The following STRA8 variants were observed in gnomAD, a reference collection of about 807,000 sequenced individuals.
The protein encoded by STRA8 is stimulated by retinoic acid 8, also known as stimulated by retinoic acid gene 8 protein homolog.
Under a neutral mutation model 37.1 loss-of-function variants are expected in STRA8, and 18 were observed. The observed-to-expected ratio is 0.48, with a 90% CI of 0.34 to 0.72. The LOEUF is 0.72. Among genes scored for constraint, STRA8 ranks in the 30% least tolerant of loss-of-function variants. The pLI is 0.01. For synonymous variants in STRA8, 168 were observed against 162.9 expected, an observed-to-expected ratio of 1.03 and a Z score of -0.24; for missense variants, 357 against 410.4, an observed-to-expected ratio of 0.87 and a Z score of 1.13.
upstream of STRA8, chr7:135,232,102 G>T (rs1832301844): frequency 2.1e-6 from 3 of 1,433,406 alleles, no homozygotes; most frequent in South Asian, 2.3e-5. Flanking sequence ...ACATCTGCTT[G>T]TGTGTGTGGC....
intron 6 of STRA8, 25 bp from the exon 7 acceptor site, chr7:135,251,771 C>A (rs1832637229): frequency 6.2e-7 from 1 of 1,612,814 alleles, no homozygotes; most frequent in African/African-American, 1.3e-5. Flanking sequence ...ATTTCCAACA[C>A]ATGAAGTGTT....
intron 2 of STRA8, 115 bp downstream of exon 2, chr7:135,240,831 G>A (rs1832453700): frequency 1.7e-6 from 2 of 1,180,968 alleles, no homozygotes; most frequent in African/African-American, 1.5e-5. Flanking sequence ...CTTCTGCTGG[G>A]GTAGCGACAA....
At chr7:135,241,408 A>C (rs1273168841) in intron 2 of STRA8, among the ~76,000 whole-genome samples, 1 of 151,966 alleles carries the variant, frequency 6.6e-6, no homozygotes, top group East Asian at 1.9e-4. Flanking sequence ...CACCACTAGA[A>C]TCCTTGGAAT....
intron 1 of STRA8, among the ~76,000 whole-genome samples, chr7:135,237,642 C>T (rs1193888579): frequency 2.0e-5 from 3 of 152,150 alleles, no homozygotes; most frequent in Non-Finnish European, 4.4e-5. Flanking sequence ...ACCTGTAAAC[C>T]TTGCACTTTG....
chr7:135,234,549 G>C (rs2117780914), intron 1 of STRA8, among the ~76,000 whole-genome samples: 1 of 152,320 alleles, frequency 6.6e-6, no homozygotes, highest in East Asian at 1.9e-4. Flanking sequence ...TTTGTGGACT[G>C]ATGCTTAAAA....
At chr7:135,232,274 G>A (rs1318721511), upstream of STRA8, among the ~76,000 whole-genome samples, 3 of 151,938 alleles carry the variant, frequency 2.0e-5, no homozygotes, top group Non-Finnish European at 1.5e-5. Context: ...AGGGCTGGTG[G>A]TGGGAGGTTG....
chr7:135,255,058 A>T, intron 7 of STRA8, 56 bp from the exon 8 acceptor site: 1 of 1,366,014 alleles, frequency 7.3e-7, no homozygotes, highest in African/African-American at 1.4e-5. Context: ...GGGGAAGCAG[A>T]GTTGAAAGAT....
At chr7:135,250,917 T>A (rs992011140) in intron 6 of STRA8, among the ~76,000 whole-genome samples, 1 of 152,178 alleles carries the variant, frequency 6.6e-6, no homozygotes, top group African/African-American at 2.4e-5. Context: ...TCTAACACAT[T>A]AGGGGGAAGC....
At chr7:135,240,973 G>T (rs1832456118) in intron 2 of STRA8, among the ~76,000 whole-genome samples, 1 of 152,136 alleles carries the variant, frequency 6.6e-6, no homozygotes, top group South Asian at 2.1e-4. Flanking sequence ...CATAGACAGG[G>T]CTATCTTGCT....
At chr7:135,236,278 ATGTG>A (rs57585247) in intron 1 of STRA8, among the ~76,000 whole-genome samples, 7 of 137,928 alleles carry the variant, frequency 5.1e-5, no homozygotes, top group African/African-American at 1.0e-4. Context: ...GTGTGTGTGT[ATGTG>A]TGTGTGTGTG....
chr7:135,237,527 C>A (rs1171109802), intron 1 of STRA8, among the ~76,000 whole-genome samples: 1 of 152,204 alleles, frequency 6.6e-6, no homozygotes, highest in Non-Finnish European at 1.5e-5. Context: ...TGAGGCACTT[C>A]TTCCAGGCGA....
chr7:135,236,294 G>C (rs1832377352), intron 1 of STRA8, among the ~76,000 whole-genome samples: 1 of 151,822 alleles, frequency 6.6e-6, no homozygotes, highest in Admixed American at 6.6e-5. Context: ...GTGTGTGTGT[G>C]TGTGTGTGAA....
In STRA8 at chr7:135,245,407, A is replaced by C; in HGVS notation, c.473A>C (p.Glu158Ala). 3 of 695,120 alleles carry C rather than the reference A, an allele frequency of 4.3e-6. No homozygotes were observed. Among genetic ancestry groups the C allele is most frequent in the Non-Finnish European group, 7.9e-6 (3 of 378,802 alleles). 43.1% of individuals were successfully genotyped at this position (695,120 alleles called of 1,614,324 possible). A position where few individuals can be genotyped will look rare whatever the true frequency, so the allele number is the denominator to read the frequency against. ...GAGGAAGATCAAGAAGAAGAGGAGGAGGAAGAAGAAGAGGAGGAGGAGGAA... is the reference window on the plus strand; with the variant it reads ...GAGGAAGATCAAGAAGAAGAGGAGGCGGAAGAAGAAGAGGAGGAGGAGGAA... ...EEEEDQEEEEEEEEEEEEEEE... is the reference protein window; with the variant it reads ...EEEEDQEEEEAEEEEEEEEEE... Residue 158 changes from glutamate (E) to alanine (A), a missense_variant, in exon 5 of 9, where the codon GAG (glutamate) becomes GCG (alanine). By Grantham distance (107) the Glu-to-Ala change is moderately radical. Coordinates refer to ENST00000662584, the MANE Select transcript of STRA8 (RefSeq NM_001394401.1).
chr7:135,252,793 T>C (rs561442062), intron 7 of STRA8, among the ~76,000 whole-genome samples: 1 of 152,278 alleles, frequency 6.6e-6, no homozygotes, highest in African/African-American at 2.4e-5. Flanking sequence ...CAGAAATGTA[T>C]TTCTTACAGT....
intron 1 of STRA8, among the ~76,000 whole-genome samples, chr7:135,237,807 G>A (rs572568950): frequency 2.8e-4 from 43 of 151,902 alleles, no homozygotes; most frequent in Non-Finnish European, 5.0e-4. Context: ...CAGGAGAATC[G>A]CTTGAACCCG....
upstream of STRA8, among the ~76,000 whole-genome samples, chr7:135,233,612 A>C (rs1585463139): frequency 6.6e-6 from 1 of 151,590 alleles, no homozygotes; most frequent in African/African-American, 2.4e-5. Context: ...ACCCCTCGCG[A>C]CCCTGCGAGG....
upstream of STRA8, among the ~76,000 whole-genome samples, chr7:135,232,237 C>T (rs1832303729): frequency 6.6e-6 from 1 of 151,740 alleles, no homozygotes; most frequent in Admixed American, 6.6e-5. Context: ...CTTCACAAAC[C>T]CCTAGGTCCC....
Position 135,249,471 on chromosome 7 carries a change from C to T in STRA8, c.880-2325C>T, listed in dbSNP as rs1204337960. On this transcript the variant is annotated intron_variant, in intron 6 of 8. Transcript: ENST00000662584. ...TGGTGGCGAGTGCCTGTAACCCCAG[C>T]TACTCTGGAGGCTGAGGCAGGATAA... Among the ~76,000 whole-genome samples the T allele has an allele frequency of 2.0e-5, 3 of 152,266 alleles. No individual in the cohort carries two copies. The East Asian group carries it at 5.8e-4, about 29-fold the overall frequency.
At chr7:135,250,281 C>A (rs1227072978) in intron 6 of STRA8, among the ~76,000 whole-genome samples, 2 of 152,130 alleles carry the variant, frequency 1.3e-5, no homozygotes, top group Non-Finnish European at 2.9e-5. Context: ...CAGGTGAGCA[C>A]AATGTGTGGC....
Sources: allele counts gnomAD v4.1 joint callset (sites outside exome capture counted in the v4.1 genomes callset), GRCh38; gene constraint gnomAD v4.1.1; transcripts MANE v1.5; gene names NCBI Gene and HGNC (gene_info 2026-07-23, HGNC 2026-07-21).